NRXN3: variants seen among roughly 807,000 people sequenced by gnomAD.
The protein encoded by NRXN3 is neurexin III.
A neutral mutation model predicts 137.6 loss-of-function variants in NRXN3; 32 were observed. That is an observed-to-expected ratio of 0.23 (90% CI 0.18 to 0.31). The LOEUF (loss-of-function observed/expected upper bound fraction) is 0.31. NRXN3 is among the 10% of genes least tolerant of loss of function. NRXN3 has a pLI of 1.00. For synonymous variants in NRXN3, 798 were observed against 784.5 expected (o/e 1.02, Z -0.29); for missense variants, 1,574 against 2,062.5 (o/e 0.76, Z 4.59).
chr14:78,843,753 G>A (rs1203634232), intron 10 of NRXN3, among the ~76,000 whole-genome samples: 1 of 152,102 alleles, frequency 6.6e-6, no homozygotes, highest in Non-Finnish European at 1.5e-5. Flanking sequence ...TTTAGTATTA[G>A]TTGAAACATT....
chr14:78,250,594 G>A (rs2068457604), intron 2 of NRXN3, among the ~76,000 whole-genome samples: 1 of 152,206 alleles, frequency 6.6e-6, no homozygotes, highest in East Asian at 1.9e-4. Context: ...GGGCTCTGCC[G>A]GCAAACGTGT....
intron 1 of NRXN3, among the ~76,000 whole-genome samples, chr14:78,208,098 T>G (rs2062386097): frequency 6.6e-6 from 1 of 152,234 alleles, no homozygotes; most frequent in African/African-American, 2.4e-5. Context: ...ACGTATAAAA[T>G]GGGCGATAAT....
chr14:79,357,723 T>TATAC (rs2153407276), intron 15 of NRXN3, among the ~76,000 whole-genome samples: 1 of 152,308 alleles, frequency 6.6e-6, no homozygotes, highest in South Asian at 2.1e-4. Flanking sequence ...CTGATATATA[T>TATAC]ATACATACCT....
At chr14:78,993,438 T>C (rs1406311397) in intron 15 of NRXN3, among the ~76,000 whole-genome samples, 1 of 152,208 alleles carries the variant, frequency 6.6e-6, no homozygotes, top group Non-Finnish European at 1.5e-5. Context: ...ATAGCAGTAA[T>C]TTTTAAGGAT....
intron 20 of NRXN3, among the ~76,000 whole-genome samples, chr14:79,829,595 A>G (rs1305127088): frequency 6.6e-6 from 1 of 152,160 alleles, no homozygotes; most frequent in African/African-American, 2.4e-5. Flanking sequence ...TTGTTTAATT[A>G]CCCACGCATG....
intron 15 of NRXN3, among the ~76,000 whole-genome samples, chr14:79,127,207 T>A (rs921417087): frequency 6.6e-6 from 1 of 152,226 alleles, no homozygotes; most frequent in Non-Finnish European, 1.5e-5. Context: ...ATTTTGGCTT[T>A]GGTTGCCATT....
chr14:79,437,508 G>T (rs571168011), intron 15 of NRXN3, among the ~76,000 whole-genome samples: 1 of 152,110 alleles, frequency 6.6e-6, no homozygotes, highest in South Asian at 2.1e-4. Flanking sequence ...TGTCTTTGCT[G>T]CAGTGTCTTC....
chr14:78,950,139 G>GT (rs1597791211), intron 10 of NRXN3, among the ~76,000 whole-genome samples: 1 of 152,186 alleles, frequency 6.6e-6, no homozygotes, highest in Middle Eastern at 3.4e-3. Flanking sequence ...CTGTTATAAA[G>GT]TTTTTTTAAA....
At chr14:78,230,997 A>C (rs566914406) in intron 1 of NRXN3, among the ~76,000 whole-genome samples, 1 of 152,310 alleles carries the variant, frequency 6.6e-6, no homozygotes, top group African/African-American at 2.4e-5. Flanking sequence ...AGAAAAAGAA[A>C]CACTGGTGTA....
intron 15 of NRXN3, among the ~76,000 whole-genome samples, chr14:79,124,428 T>C (rs1460755145): frequency 6.6e-6 from 1 of 152,188 alleles, no homozygotes; most frequent in Non-Finnish European, 1.5e-5. Flanking sequence ...ATTTAATCTC[T>C]GACAGATGGA....
chr14:79,403,110 C>G (rs182432110), intron 15 of NRXN3, among the ~76,000 whole-genome samples: 1 of 152,024 alleles, frequency 6.6e-6, no homozygotes, highest in Non-Finnish European at 1.5e-5. Context: ...AAACCATAGG[C>G]TATGGGAGTC....
intron 16 of NRXN3, among the ~76,000 whole-genome samples, chr14:79,578,558 A>G (rs1189931020): frequency 6.6e-6 from 1 of 152,114 alleles, no homozygotes; most frequent in Non-Finnish European, 1.5e-5. Flanking sequence ...GCATGGCAGC[A>G]CCCACACTAA....
intron 3 of NRXN3, among the ~76,000 whole-genome samples, chr14:78,292,444 G>T (rs1237013503): frequency 1.3e-5 from 2 of 152,148 alleles, no homozygotes; most frequent in Non-Finnish European, 2.9e-5. Context: ...GCCACAGATA[G>T]GCAGGTACAA....
chr14:79,008,661 CTTTTTTT>C (rs372617673), intron 15 of NRXN3, among the ~76,000 whole-genome samples: 2 of 130,818 alleles, frequency 1.5e-5, no homozygotes, highest in African/African-American at 2.8e-5. Flanking sequence ...TTTCTCTTTG[CTTTTTTT>C]TTTTTTTTTT....
intron 4 of NRXN3, among the ~76,000 whole-genome samples, chr14:78,482,531 T>C (rs1318646097): frequency 6.6e-6 from 1 of 152,208 alleles, no homozygotes; most frequent in Non-Finnish European, 1.5e-5. Flanking sequence ...CTGAGCCCAT[T>C]ATAAGACCTC....
chr14:79,184,552 A>T (rs1162706716), intron 15 of NRXN3, among the ~76,000 whole-genome samples: 5 of 152,186 alleles, frequency 3.3e-5, no homozygotes, highest in African/African-American at 1.2e-4. Flanking sequence ...CGTCACAGAC[A>T]TTCATTTAAG....
chr14:79,678,455 G>C (rs2098652500), intron 17 of NRXN3, among the ~76,000 whole-genome samples: 1 of 152,124 alleles, frequency 6.6e-6, no homozygotes, highest in Non-Finnish European at 1.5e-5. Flanking sequence ...GTTAAGGAAA[G>C]AGGAAGTCTA....
At chr14:78,191,539 C>T (rs889956171) in intron 1 of NRXN3, among the ~76,000 whole-genome samples, 5 of 152,114 alleles carry the variant, frequency 3.3e-5, no homozygotes, top group African/African-American at 9.7e-5. Context: ...CATTGGCCTC[C>T]GCTGCAATAG....
At chr14:79,833,382 A>T (rs758798941) in intron 20 of NRXN3, among the ~76,000 whole-genome samples, 4 of 152,212 alleles carry the variant, frequency 2.6e-5, no homozygotes, top group Non-Finnish European at 5.9e-5. Flanking sequence ...TGATAATAGT[A>T]ATGAGAATTA....
Sources: gnomAD v4.1 joint callset for allele counts (sites outside exome capture counted in the v4.1 genomes callset) on GRCh38, gnomAD v4.1.1 for gene constraint, MANE v1.5 for transcripts, NCBI Gene and HGNC (gene_info 2026-07-23, HGNC 2026-07-21) for gene names.